METTL22: variants seen among roughly 807,000 people sequenced by gnomAD.
METTL22 encodes the protein methyltransferase-like protein 22.
In METTL22, 51 loss-of-function variants were observed where a neutral mutation model predicts 48.4. The ratio of observed to expected loss-of-function variants is 1.05; its 90% CI spans 0.84 to 1.33. The LOEUF is 1.33. Among genes scored for constraint, METTL22 ranks in the 40% most tolerant of loss-of-function variants. METTL22 has a pLI of 0.00. For synonymous variants in METTL22, 255 were observed against 214.1 expected (o/e 1.19, Z -1.67); for missense variants, 678 against 526.9 (o/e 1.29, Z -2.81).
At chr16:8,639,552 G>T (rs2056528438) in intron 6 of METTL22, 1 of 242,718 alleles carries the variant, frequency 4.1e-6, no homozygotes. Context: ...CATCACCTGT[G>T]GGGTGAAGTC....
At chr16:8,632,685 C>A (rs1268325063) in intron 3 of METTL22, among the ~76,000 whole-genome samples, 1 of 152,188 alleles carries the variant, frequency 6.6e-6, no homozygotes, top group African/African-American at 2.4e-5. Context: ...TCTGGTTAAA[C>A]ACTGTTACAG....
At chr16:8,628,633 C>A (rs1244348002) in intron 2 of METTL22, 97 bp from the exon 3 acceptor site, 16 of 1,470,258 alleles carry the variant, frequency 1.1e-5, no homozygotes, top group Non-Finnish European at 1.4e-5. Flanking sequence ...CTTTAAAAAT[C>A]TTTCCTATTG....
At chr16:8,643,914 T>C (rs1231914933) in intron 9 of METTL22, among the ~76,000 whole-genome samples, 2 of 152,176 alleles carry the variant, frequency 1.3e-5, no homozygotes, top group Non-Finnish European at 2.9e-5. Context: ...ACGCCCAGCA[T>C]AGACTGTTCT....
intron 7 of METTL22, chr16:8,641,830 G>A (rs896468115): frequency 2.7e-5 from 14 of 521,948 alleles, no homozygotes; most frequent in African/African-American, 2.7e-4. Flanking sequence ...AGGCAGAAGG[G>A]GGAGATCATG....
At chr16:8,634,423 T>C (rs1379742790) in intron 3 of METTL22, among the ~76,000 whole-genome samples, 1 of 152,214 alleles carries the variant, frequency 6.6e-6, no homozygotes, top group African/African-American at 2.4e-5. Context: ...TATATTTCCA[T>C]TGTGTTCCCC....
chr16:8,644,192 A>T (rs936126810), intron 9 of METTL22, among the ~76,000 whole-genome samples: 2 of 152,022 alleles, frequency 1.3e-5, no homozygotes, highest in African/African-American at 2.4e-5. Context: ...TTCATTTCTC[A>T]GATAGTTATG....
rs973838701 is a variant in METTL22 at position 8,648,339 on chromosome 16, G to C, written c.*2196G>C. 1 of 151,584 alleles carries C rather than the reference G, an allele frequency of 6.6e-6. No individual in the cohort carries two copies. The highest frequency in any genetic ancestry group is 1.5e-5 in the Non-Finnish European group (1 of 67,992). The allele number at this position is 151,584 out of a possible 1,614,324, so 9.4% of individuals were successfully genotyped here. A position where few individuals can be genotyped will look rare whatever the true frequency, so the allele number is the denominator to read the frequency against. ...AGACATCTCAAAAATTAAAAAGCCA[G>C]GCGAGGTGCCGGGCATGGTGGCTCA... On this transcript the variant is annotated 3_prime_UTR_variant, in exon 11 of 11. Transcript: ENST00000381920.
chr16:8,647,490 G>A lies in METTL22; in HGVS notation c.*1347G>A, dbSNP rs2056825113. 1.3e-5 allele frequency: 2 copies of A among 152,200 alleles called. No individual in the cohort carries two copies. Among genetic ancestry groups the A allele is most frequent in the Non-Finnish European group, 2.9e-5 (2 of 68,060 alleles). The allele number at this position is 152,200 out of a possible 1,614,324, so 9.4% of individuals were successfully genotyped here. On this transcript the variant is annotated 3_prime_UTR_variant, in exon 11 of 11. Transcript: ENST00000381920. ...GTGATTTTGCCTCCAGGAACATTTG[G>A]CAGTGCCTGGAGACATTTTCGGTGG...
In METTL22 at chr16:8,648,998, G is replaced by A. The variant is rs2056851960; in HGVS notation, c.*2855G>A. Reference sequence around the variant, plus strand: ...GGAGCAGCATTGCAGATCACTACAGGGAATATTAATAATGAGTCTTCAAAT... The same window carrying A: ...GGAGCAGCATTGCAGATCACTACAGAGAATATTAATAATGAGTCTTCAAAT... On this transcript the variant is annotated 3_prime_UTR_variant, in exon 11 of 11. Transcript: ENST00000381920. 1.3e-5 allele frequency: 2 copies of A among 152,164 alleles called. No homozygotes were observed. The highest frequency in any genetic ancestry group is 4.8e-5 in the African/African-American group (2 of 41,424). The allele number at this position is 152,164 out of a possible 1,614,324, so 9.4% of individuals were successfully genotyped here. A position where few individuals can be genotyped will look rare whatever the true frequency, so the allele number is the denominator to read the frequency against.
intron 2 of METTL22, among the ~76,000 whole-genome samples, chr16:8,628,339 C>T (rs1019100609): frequency 2.0e-5 from 3 of 152,184 alleles, no homozygotes; most frequent in Non-Finnish European, 4.4e-5. Context: ...ACCCGGGATG[C>T]TGTGTGAGCT....
chr16:8,655,257 C>T, the METTL22 span, among the ~76,000 whole-genome samples: 1 of 152,188 alleles, frequency 6.6e-6, no homozygotes, highest in African/African-American at 2.4e-5. Context: ...CAGCTGTGGT[C>T]TCATCTGAAG....
chr16:8,626,795 C>G (rs1431770739), intron 2 of METTL22, among the ~76,000 whole-genome samples: 1 of 107,550 alleles, frequency 9.3e-6, no homozygotes, highest in Non-Finnish European at 1.8e-5. Flanking sequence ...GAGGCAGTCT[C>G]GCTCCCTCAC....
chr16:8,628,915 A>G lies in METTL22; in HGVS notation c.319A>G (p.Thr107Ala), dbSNP rs201893115. ...CTCCCTCCAGGCCGGGACTGACACC[A>G]CTGGCCAGGAAGTGGCTGAAGCTCA... ...GFSLQAGTDTTGQEVAEAQLD... is the reference protein window; with the variant it reads ...GFSLQAGTDTAGQEVAEAQLD... Residue 107 changes from threonine to alanine, a missense_variant, in exon 3 of 11, where the codon ACT (threonine) becomes GCT (alanine). Thr to Ala is a moderately conservative substitution (Grantham distance 58). Coordinates refer to ENST00000381920, the MANE Select transcript of METTL22 (RefSeq NM_024109.4). 6.2e-7 allele frequency: 1 copy of G among 1,613,964 alleles called. No individual in the cohort carries two copies. The highest frequency in any genetic ancestry group is 8.5e-7 in the Non-Finnish European group (1 of 1,180,010).
the METTL22 span, among the ~76,000 whole-genome samples, chr16:8,654,945 CAT>C: frequency 6.6e-6 from 1 of 152,104 alleles, no homozygotes; most frequent in African/African-American, 2.4e-5. Context: ...CGCTAATGGA[CAT>C]AGCAGCAAAC....
At chr16:8,657,544 C>T in the METTL22 span, among the ~76,000 whole-genome samples, 10 of 152,206 alleles carry the variant, frequency 6.6e-5, no homozygotes, top group South Asian at 4.2e-4. Context: ...GGTTCCTTTT[C>T]GTCTACTATA....
At chr16:8,642,297 T>G (rs992283433) in intron 8 of METTL22, 90 bp downstream of exon 8, 2 of 1,321,574 alleles carry the variant, frequency 1.5e-6, no homozygotes, top group Non-Finnish European at 2.2e-6. Context: ...GAGTTCAGTT[T>G]TAGAAGTGAC....
At chr16:8,644,392 G>A (rs1490673548) in intron 9 of METTL22, 165 bp from the exon 10 acceptor site, 3 of 629,202 alleles carry the variant, frequency 4.8e-6, no homozygotes, top group Non-Finnish European at 8.2e-6. Flanking sequence ...TCGTGCAGAT[G>A]TAGGAAGGAA....
At chr16:8,641,887 G>T in intron 7 of METTL22, 1 of 583,744 alleles carries the variant, frequency 1.7e-6, no homozygotes, top group Non-Finnish European at 3.1e-6. Flanking sequence ...GCTGAAATCC[G>T]CCCGCTGCTC....
the METTL22 span, among the ~76,000 whole-genome samples, chr16:8,666,169 G>T: frequency 6.6e-6 from 1 of 152,160 alleles, no homozygotes; most frequent in African/African-American, 2.4e-5. Context: ...CAGAAGTGCT[G>T]GGGAGTTGAC....
Sources: gnomAD v4.1 joint callset for allele counts (sites outside exome capture counted in the v4.1 genomes callset) on GRCh38, gnomAD v4.1.1 for gene constraint, MANE v1.5 for transcripts, NCBI Gene and HGNC (gene_info 2026-07-23, HGNC 2026-07-21) for gene names.